The following PPP3R1 variants were observed in gnomAD, a reference collection of about 807,000 sequenced individuals.
PPP3R1 encodes the protein calcineurin subunit B type 1.
In PPP3R1, 5 loss-of-function variants were observed where a neutral mutation model predicts 22.6. The ratio of observed to expected loss-of-function variants is 0.22; its 90% confidence interval spans 0.12 to 0.46. The LOEUF (loss-of-function observed/expected upper bound fraction) is 0.46. Among genes scored for constraint, PPP3R1 ranks in the 20% least tolerant of loss-of-function variants. PPP3R1 has a pLI of 0.99. For missense variants in PPP3R1, 61 were observed against 203.2 expected, an observed-to-expected ratio of 0.30 and a Z score of 4.25; for synonymous variants, 56 against 65.2, an observed-to-expected ratio of 0.86 and a Z score of 0.68.
intron 1 of PPP3R1, among the ~76,000 whole-genome samples, chr2:68,230,277 G>A (rs1253994712): frequency 6.6e-6 from 1 of 152,180 alleles, no homozygotes; most frequent in Non-Finnish European, 1.5e-5. Flanking sequence ...ACAGGCGTAA[G>A]CCACCATGCC....
intron 1 of PPP3R1, 33 bp from the exon 2 acceptor site, chr2:68,217,164 A>G (rs746685719): frequency 6.7e-7 from 1 of 1,490,160 alleles, no homozygotes; most frequent in African/African-American, 1.4e-5. Flanking sequence ...TTAGTCATAA[A>G]ATAGGCACAA....
chr2:68,246,923 A>C (rs953025403), intron 1 of PPP3R1, among the ~76,000 whole-genome samples: 12 of 152,164 alleles, frequency 7.9e-5, no homozygotes, highest in Non-Finnish European at 4.4e-5. Context: ...CCTGTTGGCC[A>C]TAATCACCTA....
intron 5 of PPP3R1, among the ~76,000 whole-genome samples, chr2:68,185,774 C>T (rs7599591): frequency 6.6e-6 from 1 of 151,818 alleles, no homozygotes; most frequent in Admixed American, 6.6e-5. Flanking sequence ...GTGTCTTAAA[C>T]GTCTCAAACC....
Position 68,232,120 on chromosome 2 carries a change from T to TACACACACACAC in PPP3R1, c.4-14990_4-14989insGTGTGTGTGTGT, listed in dbSNP as rs371099015. Among the ~76,000 whole-genome samples, 256 of 44,300 alleles carry TACACACACACAC rather than the reference T, an allele frequency of 5.8e-3. 4 individuals carry two copies. The highest frequency in any genetic ancestry group is 0.03 in the African/African-American group (247 of 8,138). The allele number at this position is 44,300 out of a possible 152,430, so 29.1% of individuals were successfully genotyped here. On this transcript the variant is annotated intron_variant, in intron 1 of 5. Coordinates refer to ENST00000234310, the MANE Select transcript of PPP3R1 (RefSeq NM_000945.4). The stretch of plus-strand genomic sequence containing the variant: ...CTAAAAAAAAAAAAATATATATATA[T>TACACACACACAC]ATATACACACACACACACATATATA...
intron 1 of PPP3R1, among the ~76,000 whole-genome samples, chr2:68,223,656 G>A (rs1036792127): frequency 6.6e-6 from 1 of 151,976 alleles, no homozygotes; most frequent in African/African-American, 2.4e-5. Flanking sequence ...ATCCATTTTT[G>A]ATAAAACAAG....
chr2:68,214,280 T>C (rs1009313750), intron 2 of PPP3R1, among the ~76,000 whole-genome samples: 1 of 151,996 alleles, frequency 6.6e-6, no homozygotes, highest in Non-Finnish European at 1.5e-5. Context: ...AGACAAAAAC[T>C]GACAAATCAG....
intron 1 of PPP3R1, among the ~76,000 whole-genome samples, chr2:68,217,659 A>C (rs984921083): frequency 1.3e-5 from 2 of 152,152 alleles, no homozygotes; most frequent in Admixed American, 6.5e-5. Flanking sequence ...CATTAATGGA[A>C]AGGTGAGTCT....
chr2:68,237,670 T>C lies in PPP3R1; in HGVS notation c.3+14455A>G, dbSNP rs539484827. On this transcript the variant is annotated intron_variant, in intron 1 of 5. Coordinates refer to ENST00000234310, the MANE Select transcript of PPP3R1 (RefSeq NM_000945.4). ...ATCTAGCACTTCATAGTAGCGCTAC[T>C]GAAGCACTTACTATAATATTTCCCT... Among the ~76,000 whole-genome samples the C allele has an allele frequency of 9.5e-4, 145 of 152,294 alleles. 1 individual carries two copies. Among genetic ancestry groups the C allele is most frequent in the African/African-American group, 3.3e-3 (136 of 41,572 alleles).
At chr2:68,203,102 G>C (rs1224827276) in intron 2 of PPP3R1, among the ~76,000 whole-genome samples, 4 of 152,096 alleles carry the variant, frequency 2.6e-5, no homozygotes, top group South Asian at 2.1e-4. Flanking sequence ...GCTTTACTGA[G>C]AGCAAGCAAA....
chr2:68,189,557 C>T (rs1674617969), intron 2 of PPP3R1, among the ~76,000 whole-genome samples: 1 of 152,048 alleles, frequency 6.6e-6, no homozygotes, highest in Non-Finnish European at 1.5e-5. Context: ...GAAATAATTA[C>T]AAATATATTT....
In PPP3R1 at chr2:68,184,691, C is replaced by T. The variant is rs1026348506; in HGVS notation, c.465+1777G>A. Among the ~76,000 whole-genome samples the T allele has an allele frequency of 1.5e-4, 23 of 152,264 alleles. 1 individual carries two copies. The highest frequency in any genetic ancestry group is 3.9e-4 in the East Asian group (2 of 5,186). On this transcript the variant is annotated intron_variant, in intron 5 of 5. Transcript: ENST00000234310. ...AGAACTCAATGAAGCCAGTTACAAG[C>T]GCTTGATCAATGTTTAGAAAAGTTG...
intron 2 of PPP3R1, among the ~76,000 whole-genome samples, chr2:68,215,840 T>C (rs1186268928): frequency 6.6e-6 from 1 of 151,972 alleles, no homozygotes; most frequent in African/African-American, 2.4e-5. Context: ...GTAGAGTAGA[T>C]AGGGCTAAAT....
chr2:68,238,735 C>G (rs944809920), intron 1 of PPP3R1, among the ~76,000 whole-genome samples: 1 of 152,042 alleles, frequency 6.6e-6, no homozygotes, highest in Non-Finnish European at 1.5e-5. Context: ...TAAATGGTAG[C>G]ACAATGATGT....
chr2:68,251,553 G>A (rs185506029), intron 1 of PPP3R1, among the ~76,000 whole-genome samples: 152 of 152,326 alleles, frequency 1.0e-3, no homozygotes, highest in Non-Finnish European at 1.8e-3. Context: ...CAGCTAAACC[G>A]ACGCTCGCAG....
intron 1 of PPP3R1, among the ~76,000 whole-genome samples, chr2:68,234,924 T>C (rs368250052): frequency 2.6e-5 from 4 of 152,220 alleles, no homozygotes; most frequent in Admixed American, 6.5e-5. Context: ...CCATAGGAAA[T>C]AGCTGAAGTA....
At chr2:68,205,317 AC>A (rs1675096147) in intron 2 of PPP3R1, among the ~76,000 whole-genome samples, 1 of 141,246 alleles carries the variant, frequency 7.1e-6, no homozygotes, top group South Asian at 2.2e-4. Context: ...ATCTCAGCTC[AC>A]TGCCACCTCT....
chr2:68,221,844 A>T (rs573541522), intron 1 of PPP3R1, among the ~76,000 whole-genome samples: 7 of 145,852 alleles, frequency 4.8e-5, no homozygotes, highest in East Asian at 4.0e-4. Flanking sequence ...TAAAGTGTTT[A>T]AAAAAAAAAA....
At chr2:68,252,050 G>A in intron 1 of PPP3R1, 75 bp downstream of exon 1, 2 of 1,322,832 alleles carry the variant, frequency 1.5e-6, no homozygotes, top group South Asian at 1.7e-5. Flanking sequence ...GGGGGCGTCG[G>A]GGCTCGCCCC....
intron 1 of PPP3R1, among the ~76,000 whole-genome samples, chr2:68,231,112 C>G (rs989059109): frequency 6.6e-6 from 1 of 152,126 alleles, no homozygotes; most frequent in African/African-American, 2.4e-5. Flanking sequence ...GTGACTCTAA[C>G]GACACAAGTG....
Sources: allele counts gnomAD v4.1 joint callset (sites outside exome capture counted in the v4.1 genomes callset), GRCh38; gene constraint gnomAD v4.1.1; transcripts MANE v1.5; gene names NCBI Gene and HGNC (gene_info 2026-07-23, HGNC 2026-07-21).